CDH12: variants seen among roughly 807,000 people sequenced by gnomAD.
CDH12 encodes cadherin 12, also known as cadherin-12.
A neutral mutation model predicts 74.1 loss-of-function variants in CDH12; 41 were observed. The observed-to-expected ratio is 0.55, with a 90% CI of 0.43 to 0.72. CDH12 has a LOEUF of 0.72. Ranked by LOEUF, CDH12 falls within the 30% of genes least tolerant of loss-of-function variation. The pLI is 0.00. For missense variants in CDH12, 945 were observed against 977.2 expected (o/e 0.97, Z 0.44); for synonymous variants, 399 against 355.0 (o/e 1.12, Z -1.39).
At chr5:22,045,436 T>C (rs1246476953) in intron 5 of CDH12, among the ~76,000 whole-genome samples, 1 of 152,154 alleles carries the variant, frequency 6.6e-6, no homozygotes, top group Non-Finnish European at 1.5e-5. Context: ...CATTACTGGG[T>C]ACATATCCAA....
intron 1 of CDH12, among the ~76,000 whole-genome samples, chr5:22,645,708 C>T (rs538332818): frequency 1.3e-5 from 2 of 151,928 alleles, no homozygotes; most frequent in South Asian, 2.1e-4. Context: ...TCAATGTGGC[C>T]AACTTTATTG....
intron 5 of CDH12, among the ~76,000 whole-genome samples, chr5:21,996,120 T>A: frequency 1.2e-5 from 1 of 83,962 alleles, no homozygotes; most frequent in African/African-American, 1.4e-4. Flanking sequence ...TTTTTTTTTT[T>A]TTTTTTTTTT....
rs146308247 is a variant in CDH12 at position 21,863,949 on chromosome 5, C to T, written c.527-9159G>A. On this transcript the variant is annotated intron_variant, in intron 6 of 14. Coordinates refer to ENST00000382254, the MANE Select transcript of CDH12 (RefSeq NM_004061.5). ...ATTGCATTATGATCTAGAGATAAAA[C>T]AGAATTAGGAAAATTATATTTTCTA... Among the ~76,000 whole-genome samples the T allele has an allele frequency of 4.2e-3, 638 of 152,048 alleles. 3 individuals are homozygous for T. The highest frequency in any genetic ancestry group is 0.014 in the African/African-American group (592 of 41,484).
intron 3 of CDH12, among the ~76,000 whole-genome samples, chr5:22,299,561 A>T (rs1234072684): frequency 6.6e-6 from 1 of 152,202 alleles, no homozygotes; most frequent in Non-Finnish European, 1.5e-5. Context: ...AATTTTTGCC[A>T]TGTCTGATTA....
intron 6 of CDH12, among the ~76,000 whole-genome samples, chr5:21,943,133 T>C (rs558885636): frequency 2.6e-5 from 4 of 152,302 alleles, no homozygotes; most frequent in East Asian, 3.9e-4. Flanking sequence ...TCCACCATGA[T>C]TGTAAGTTCC....
intron 2 of CDH12, among the ~76,000 whole-genome samples, chr5:22,475,766 C>A (rs1746139883): frequency 6.6e-6 from 1 of 151,936 alleles, no homozygotes; most frequent in African/African-American, 2.4e-5. Context: ...GAAAAGAAAT[C>A]AGTAACTTTA....
intron 1 of CDH12, among the ~76,000 whole-genome samples, chr5:22,589,540 AAAG>A (rs1740579213): frequency 6.6e-6 from 1 of 152,154 alleles, no homozygotes; most frequent in Non-Finnish European, 1.5e-5. Context: ...TGAGGTAATC[AAAG>A]ATTGCTAGTC....
At chr5:22,148,001 G>T (rs542730469) in intron 4 of CDH12, among the ~76,000 whole-genome samples, 1 of 152,108 alleles carries the variant, frequency 6.6e-6, no homozygotes. Context: ...TCACACCAGT[G>T]GTTTCCATCC....
chr5:22,558,332 A>C (rs1738894564), intron 1 of CDH12, among the ~76,000 whole-genome samples: 1 of 152,114 alleles, frequency 6.6e-6, no homozygotes. Context: ...GAAACCTAAC[A>C]CTTCCTGCCA....
intron 6 of CDH12, among the ~76,000 whole-genome samples, chr5:21,970,436 A>AGT (rs1375802177): frequency 1.3e-5 from 2 of 152,132 alleles, no homozygotes; most frequent in African/African-American, 4.8e-5. Flanking sequence ...AAAATAAGGA[A>AGT]GTGTGGAGAC....
At chr5:22,011,486 T>C (rs1216436862) in intron 5 of CDH12, among the ~76,000 whole-genome samples, 3 of 152,206 alleles carry the variant, frequency 2.0e-5, no homozygotes, top group African/African-American at 7.2e-5. Context: ...AACAATTGTG[T>C]GTATGTCCAT....
chr5:22,287,131 A>C (rs1737173716), intron 3 of CDH12, among the ~76,000 whole-genome samples: 1 of 152,214 alleles, frequency 6.6e-6, no homozygotes, highest in African/African-American at 2.4e-5. Context: ...GTAAGAGAAT[A>C]GAGAAGTAGA....
intron 3 of CDH12, among the ~76,000 whole-genome samples, chr5:22,401,456 G>C (rs1742727798): frequency 6.6e-6 from 1 of 152,050 alleles, no homozygotes; most frequent in Admixed American, 6.6e-5. Flanking sequence ...TAGCACAAGT[G>C]AATTATATTA....
At chr5:22,681,367 T>G (rs1041059471) in intron 1 of CDH12, among the ~76,000 whole-genome samples, 5 of 151,792 alleles carry the variant, frequency 3.3e-5, no homozygotes, top group Admixed American at 2.6e-4. Flanking sequence ...ATGTTTCATT[T>G]TTTTCCTAAC....
chr5:22,778,986 C>CCA (rs1412917868), intron 1 of CDH12, among the ~76,000 whole-genome samples: 2 of 151,950 alleles, frequency 1.3e-5, no homozygotes, highest in East Asian at 3.9e-4. Flanking sequence ...AAAGGCTGTC[C>CCA]AGAATTTCTC....
chr5:22,681,469 T>C (rs142024558), intron 1 of CDH12, among the ~76,000 whole-genome samples: 1 of 152,112 alleles, frequency 6.6e-6, no homozygotes, highest in African/African-American at 2.4e-5. Flanking sequence ...GATCATTGCA[T>C]TGCATGCTGG....
In CDH12 at chr5:22,118,725, T is replaced by C. The variant is rs182622566; in HGVS notation, c.-186-39863A>G. ...ATTGTCTCCCTCTTTCTCTCAATTA[T>C]GCACAGACTTCCATTTACTTTGTTT... On this transcript the variant is annotated intron_variant, in intron 4 of 14. Coordinates refer to ENST00000382254, the MANE Select transcript of CDH12 (RefSeq NM_004061.5). 3.7e-3 allele frequency among the ~76,000 whole-genome samples: 561 copies of C among 152,288 alleles called. 3 individuals are homozygous for C. Among genetic ancestry groups the C allele is most frequent in the Non-Finnish European group, 4.6e-3 (315 of 68,008 alleles).
At chr5:22,181,715 C>G (rs960156310) in intron 4 of CDH12, among the ~76,000 whole-genome samples, 1 of 152,032 alleles carries the variant, frequency 6.6e-6, no homozygotes, top group African/African-American at 2.4e-5. Context: ...TTTCTTCCAT[C>G]AATATCTGTC....
intron 5 of CDH12, among the ~76,000 whole-genome samples, chr5:22,003,004 CA>C (rs940096981): frequency 1.4e-4 from 21 of 151,986 alleles, no homozygotes; most frequent in South Asian, 6.2e-4. Context: ...ATTATTTAAA[CA>C]AAAAGGGGCT....
Sources: gnomAD v4.1 joint callset for allele counts (sites outside exome capture counted in the v4.1 genomes callset) on GRCh38, gnomAD v4.1.1 for gene constraint, MANE v1.5 for transcripts, NCBI Gene and HGNC (gene_info 2026-07-23, HGNC 2026-07-21) for gene names.